Variants in LRPAP1 observed in about 807,000 individuals in gnomAD.
The protein encoded by LRPAP1 is alpha-2-macroglobulin receptor-associated protein.
Under a neutral mutation model 39.9 loss-of-function variants are expected in LRPAP1, and 41 were observed. The ratio of observed to expected loss-of-function variants is 1.03; its 90% CI spans 0.80 to 1.33. The LOEUF is 1.33. Among genes scored for constraint, LRPAP1 ranks in the 40% most tolerant of loss-of-function variants. The pLI is 0.00. For missense variants in LRPAP1, 565 were observed against 482.3 expected (o/e 1.17, Z -1.61); for synonymous variants, 263 against 212.7 (o/e 1.24, Z -2.06).
In LRPAP1 at chr4:3,532,331, C is replaced by T; in HGVS notation, c.82G>A (p.Ala28Thr). ...GAGTACTTGCCGCCGTGGCTCGCAG[C>T]GGGCCAGGGCCCGAGGAAGAGCAGC... is the stretch of plus-strand genomic sequence containing the variant. The part of the protein sequence containing the change: ...LLLLFLGPWP[A>T]ASHGGKYSRE... Residue 28 changes from alanine to threonine, a missense_variant, in exon 1 of 8, where the codon GCT (alanine) becomes ACT (threonine). Physicochemically the swap from Ala to Thr is moderately conservative, Grantham distance 58. Transcript: ENST00000650182. The T allele has an allele frequency of 6.3e-7, 1 of 1,588,806 alleles. No homozygotes were observed.
rs533821422 is a variant in LRPAP1, at chr4:3,506,677, G to C, written c.*6297C>G. ...ATGAGCCACCGCACCCGGCCGGCTCGAGCTGTTTTTAAGAGGATATATCCT... is the reference window on the plus strand; with the variant it reads ...ATGAGCCACCGCACCCGGCCGGCTCCAGCTGTTTTTAAGAGGATATATCCT... On this transcript the variant is annotated 3_prime_UTR_variant, in exon 8 of 8. Transcript: ENST00000650182. 1 of 152,030 alleles carries C rather than the reference G, an allele frequency of 6.6e-6. No homozygotes were observed. The highest frequency in any genetic ancestry group is 2.4e-5 in the African/African-American group (1 of 41,378). The allele number at this position is 152,030 out of a possible 1,614,324, so 9.4% of individuals were successfully genotyped here.
chr4:3,522,169 A>C (rs1415044563), intron 2 of LRPAP1, among the ~76,000 whole-genome samples: 1 of 152,168 alleles, frequency 6.6e-6, no homozygotes, highest in Non-Finnish European at 1.5e-5. Context: ...AGCAGCACTG[A>C]GGTCCCACCC....
chr4:3,527,874 A>C (rs975374021), intron 1 of LRPAP1, among the ~76,000 whole-genome samples: 1 of 152,214 alleles, frequency 6.6e-6, no homozygotes, highest in Non-Finnish European at 1.5e-5. Flanking sequence ...GGGAGAATCA[A>C]GGGCAGGTGC....
At chr4:3,522,242 C>T (rs1466945878) in intron 2 of LRPAP1, among the ~76,000 whole-genome samples, 4 of 152,216 alleles carry the variant, frequency 2.6e-5, no homozygotes, top group African/African-American at 9.6e-5. Context: ...TGGGCCATGT[C>T]CTGGGGCTCT....
At chr4:3,521,328 C>T (rs1729903378) in intron 2 of LRPAP1, among the ~76,000 whole-genome samples, 1 of 152,190 alleles carries the variant, frequency 6.6e-6, no homozygotes, top group Admixed American at 6.5e-5. Context: ...TCCCCTCACC[C>T]CGAGGACCTC....
In LRPAP1 at chr4:3,518,811, A is replaced by T. The variant is rs550251446; in HGVS notation, c.592+60T>A. On this transcript the variant is annotated intron_variant, in intron 4 of 7. Coordinates refer to ENST00000650182, the MANE Select transcript of LRPAP1 (RefSeq NM_002337.4). Reference sequence around the variant, plus strand: ...GAGCACAACGAGCCTCAGGTGCAGGAGGGGTGGGGGGCAGGAGGGGGTGGG... The same window carrying T: ...GAGCACAACGAGCCTCAGGTGCAGGTGGGGTGGGGGGCAGGAGGGGGTGGG... 3,341 of 709,034 alleles carry T rather than the reference A, an allele frequency of 4.7e-3. 145 individuals carry two copies. In the Admixed American group the frequency reaches 0.13, roughly 27 times the overall value. 43.9% of individuals were successfully genotyped at this position (709,034 alleles called of 1,614,324 possible). A position where few individuals can be genotyped will look rare whatever the true frequency, so the allele number is the denominator to read the frequency against.
Position 3,525,061 on chromosome 4 carries a change from A to C in LRPAP1, c.205-10T>G. On this transcript the variant is annotated splice_polypyrimidine_tract_variant and intron_variant, in intron 1 of 7. Transcript: ENST00000650182. ...CGGGAGGAAGATGCAGCTGCGAACG[A>C]AGGGGAGGAGCCTGTGAGCCACGAG... is the stretch of plus-strand genomic sequence containing the variant. 6.2e-7 allele frequency: 1 copy of C among 1,613,730 alleles called. No individual in the cohort carries two copies. The highest frequency in any genetic ancestry group is 8.5e-7 in the Non-Finnish European group (1 of 1,179,998).
intron 3 of LRPAP1, among the ~76,000 whole-genome samples, chr4:3,519,366 G>T (rs1729838750): frequency 6.6e-6 from 1 of 152,214 alleles, no homozygotes; most frequent in South Asian, 2.1e-4. Context: ...GCCCCTCATT[G>T]TCATCCCACC....
intron 7 of LRPAP1, 37 bp downstream of exon 7, chr4:3,514,715 G>C (rs1001539290): frequency 1.9e-6 from 3 of 1,564,480 alleles, no homozygotes; most frequent in East Asian, 4.5e-5. Context: ...TCCTGCAGGG[G>C]AACTGTGGCC....
At chr4:3,530,866 G>A (rs987690735) in intron 1 of LRPAP1, among the ~76,000 whole-genome samples, 1 of 152,102 alleles carries the variant, frequency 6.6e-6, no homozygotes, top group African/African-American at 2.4e-5. Flanking sequence ...TCCTGGGTCC[G>A]AGTGCACTTC....
At chr4:3,518,260 A>G (rs1577206233) in intron 4 of LRPAP1, 68 bp from the exon 5 acceptor site, 1 of 1,515,734 alleles carries the variant, frequency 6.6e-7, no homozygotes, top group African/African-American at 1.4e-5. Flanking sequence ...ACCACTGTCT[A>G]GAACGCCCAC....
At chr4:3,513,501 G>A (rs1446801914) in intron 7 of LRPAP1, among the ~76,000 whole-genome samples, 1 of 152,072 alleles carries the variant, frequency 6.6e-6, no homozygotes, top group Non-Finnish European at 1.5e-5. Context: ...TAGAGATGGG[G>A]TTCTACCATG....
chr4:3,525,387 G>T (rs554967445), intron 1 of LRPAP1, among the ~76,000 whole-genome samples: 1 of 152,120 alleles, frequency 6.6e-6, no homozygotes, highest in Admixed American at 6.5e-5. Context: ...AACAGAGCAG[G>T]AAGAAGATAC....
Position 3,512,889 on chromosome 4 carries a change from C to T in LRPAP1, c.*85G>A, listed in dbSNP as rs1729573180. The T allele has an allele frequency of 8.1e-6, 10 of 1,235,502 alleles. No homozygotes were observed. Among genetic ancestry groups the T allele is most frequent in the Admixed American group, 2.3e-5 (1 of 43,880 alleles). The allele number at this position is 1,235,502 out of a possible 1,614,324, so 76.5% of individuals were successfully genotyped here. A position where few individuals can be genotyped will look rare whatever the true frequency, so the allele number is the denominator to read the frequency against. ...GTGCCAGCCCCAGCCACCCTGACGG[C>T]GGGCTGTCCACGGAAATGCCACGGC... On this transcript the variant is annotated 3_prime_UTR_variant, in exon 8 of 8. Transcript: ENST00000650182.
intron 6 of LRPAP1, 93 bp downstream of exon 6, chr4:3,516,023 C>G (rs945246068): frequency 3.3e-6 from 4 of 1,214,552 alleles, no homozygotes; most frequent in African/African-American, 1.5e-5. Flanking sequence ...AGAGAGAGAG[C>G]TTGGAGGAGA....
intron 3 of LRPAP1, 84 bp downstream of exon 3, chr4:3,519,988 C>A: frequency 1.9e-6 from 3 of 1,538,526 alleles, no homozygotes; most frequent in South Asian, 1.2e-5. Flanking sequence ...CCATGCAGAG[C>A]AGAGACTGCC....
intron 5 of LRPAP1, among the ~76,000 whole-genome samples, chr4:3,516,737 C>T (rs751361478): frequency 1.3e-5 from 2 of 152,218 alleles, no homozygotes; most frequent in African/African-American, 2.4e-5. Context: ...CACGAAGGGA[C>T]GCAGTGAGAG....
intron 2 of LRPAP1, among the ~76,000 whole-genome samples, chr4:3,524,333 C>T (rs1393732873): frequency 6.6e-6 from 1 of 152,246 alleles, no homozygotes; most frequent in Non-Finnish European, 1.5e-5. Context: ...CGAGGACTCA[C>T]TAAGCGCATG....
intron 2 of LRPAP1, among the ~76,000 whole-genome samples, chr4:3,523,400 C>A (rs1002435819): frequency 1.3e-5 from 2 of 152,202 alleles, no homozygotes; most frequent in African/African-American, 4.8e-5. Flanking sequence ...TCTTGGCTTA[C>A]GTCTCAACCA....
Sources: allele counts gnomAD v4.1 joint callset (sites outside exome capture counted in the v4.1 genomes callset), GRCh38; gene constraint gnomAD v4.1.1; transcripts MANE v1.5; gene names NCBI Gene and HGNC (gene_info 2026-07-23, HGNC 2026-07-21).